FOXN3: variants seen among roughly 807,000 people sequenced by gnomAD.
The protein encoded by FOXN3 is forkhead box N3.
A neutral mutation model predicts 38.4 loss-of-function variants in FOXN3; 7 were observed. The ratio of observed to expected loss-of-function variants is 0.18; its 90% confidence interval spans 0.10 to 0.34. The LOEUF is 0.34. Ranked by LOEUF, FOXN3 falls within the 10% of genes least tolerant of loss-of-function variation. The pLI is 1.00. For synonymous variants in FOXN3, 230 were observed against 242.2 expected (o/e 0.95, Z 0.47); for missense variants, 456 against 613.4 (o/e 0.74, Z 2.71).
At chr14:89,329,538 A>C (rs1888175341) in intron 3 of FOXN3, among the ~76,000 whole-genome samples, 1 of 152,120 alleles carries the variant, frequency 6.6e-6, no homozygotes, top group South Asian at 2.1e-4. Context: ...CCTACAAGGC[A>C]CAGGACAGCC....
At chr14:89,395,643 T>C (rs1251559949) in intron 2 of FOXN3, among the ~76,000 whole-genome samples, 1 of 152,144 alleles carries the variant, frequency 6.6e-6, no homozygotes, top group Non-Finnish European at 1.5e-5. Context: ...ATGCCTAGCA[T>C]AAGCCTGTTT....
At chr14:89,343,691 A>G (rs1176986441) in intron 3 of FOXN3, among the ~76,000 whole-genome samples, 1 of 148,014 alleles carries the variant, frequency 6.8e-6, no homozygotes, top group Non-Finnish European at 1.5e-5. Flanking sequence ...AGAAACAGCT[A>G]AAAGGAGAAG....
intron 1 of FOXN3, among the ~76,000 whole-genome samples, chr14:89,462,851 A>AT (rs1337633553): frequency 2.0e-5 from 3 of 150,958 alleles, no homozygotes; most frequent in African/African-American, 2.4e-5. Context: ...CGCCCAGCTA[A>AT]TTTTTTGCAT....
chr14:89,246,005 G>A (rs1214279039), intron 4 of FOXN3, among the ~76,000 whole-genome samples: 2 of 152,206 alleles, frequency 1.3e-5, no homozygotes, highest in Non-Finnish European at 2.9e-5. Flanking sequence ...ATCATTTGGT[G>A]TGAGGACGGG....
intron 3 of FOXN3, among the ~76,000 whole-genome samples, chr14:89,347,947 C>T (rs1339434346): frequency 1.7e-5 from 2 of 121,102 alleles, no homozygotes; most frequent in African/African-American, 8.2e-5. Flanking sequence ...AGCAAGACTC[C>T]GTCTCAAAAA....
intron 4 of FOXN3, among the ~76,000 whole-genome samples, chr14:89,254,561 G>C (rs1760399880): frequency 6.6e-6 from 1 of 152,154 alleles, no homozygotes; most frequent in South Asian, 2.1e-4. Context: ...AGGGAAGCTA[G>C]AAATCCAGAT....
intron 3 of FOXN3, among the ~76,000 whole-genome samples, chr14:89,317,054 C>T (rs953503654): frequency 3.9e-5 from 6 of 152,330 alleles, no homozygotes; most frequent in African/African-American, 1.4e-4. Context: ...GTAGAACCTG[C>T]ACCACAAAGC....
chr14:89,476,965 G>A (rs1189917914), intron 1 of FOXN3, among the ~76,000 whole-genome samples: 2 of 152,052 alleles, frequency 1.3e-5, no homozygotes, highest in African/African-American at 4.8e-5. Context: ...GAGAACCCCA[G>A]GCAAGGAGGC....
chr14:89,479,776 A>G (rs1220826542), intron 1 of FOXN3, among the ~76,000 whole-genome samples: 2 of 152,234 alleles, frequency 1.3e-5, no homozygotes, highest in Admixed American at 6.5e-5. Flanking sequence ...AGGCCAAAGC[A>G]TGGATCCAAA....
chr14:89,601,432 A>G (rs922752537), intron 1 of FOXN3, among the ~76,000 whole-genome samples: 7 of 152,226 alleles, frequency 4.6e-5, no homozygotes, highest in African/African-American at 1.7e-4. Flanking sequence ...AAAGGACTCA[A>G]TGAAAGGAAA....
At chr14:89,421,809 G>A (rs538763152), upstream of FOXN3, among the ~76,000 whole-genome samples, 137 of 148,696 alleles carry the variant, frequency 9.2e-4, 1 homozygote, top group Non-Finnish European at 1.5e-3. Context: ...GATTACAGGC[G>A]CGAGCCACCG....
intron 4 of FOXN3, among the ~76,000 whole-genome samples, chr14:89,215,374 A>C (rs1226823538): frequency 6.6e-6 from 1 of 152,040 alleles, no homozygotes; most frequent in Non-Finnish European, 1.5e-5. Flanking sequence ...AGAAAGCCAA[A>C]GTAATATCCC....
At chr14:89,216,057 G>A in intron 4 of FOXN3, among the ~76,000 whole-genome samples, 1 of 152,210 alleles carries the variant, frequency 6.6e-6, no homozygotes, top group East Asian at 1.9e-4. Context: ...CAGGAGCAAA[G>A]AGTTAAGCTG....
At chr14:89,279,579 A>T (rs568166870) in intron 4 of FOXN3, among the ~76,000 whole-genome samples, 50 of 152,226 alleles carry the variant, frequency 3.3e-4, no homozygotes, top group Non-Finnish European at 6.5e-4. Flanking sequence ...CCAAAGGCTG[A>T]TCCTAATCAG....
chr14:89,283,058 T>A (rs1021959423), intron 3 of FOXN3, among the ~76,000 whole-genome samples: 6 of 152,166 alleles, frequency 3.9e-5, no homozygotes, highest in Admixed American at 1.3e-4. Context: ...CTGTTGTAAT[T>A]GATGAATTCA....
At chr14:89,328,891 C>T (rs913565862) in intron 3 of FOXN3, among the ~76,000 whole-genome samples, 6 of 152,114 alleles carry the variant, frequency 3.9e-5, no homozygotes, top group Admixed American at 1.3e-4. Flanking sequence ...AGATATAAGA[C>T]GTGCAATGAA....
At chr14:89,187,226 C>T (rs1409931027) in intron 4 of FOXN3, among the ~76,000 whole-genome samples, 1 of 152,116 alleles carries the variant, frequency 6.6e-6, no homozygotes, top group East Asian at 1.9e-4. Context: ...TCTAGCAGCC[C>T]AAGAGGTGAA....
intron 4 of FOXN3, among the ~76,000 whole-genome samples, chr14:89,238,221 T>C (rs2139862924): frequency 6.6e-6 from 1 of 152,286 alleles, no homozygotes; most frequent in African/African-American, 2.4e-5. Context: ...GAACCTCCCC[T>C]TGAGGCACTG....
intron 2 of FOXN3, among the ~76,000 whole-genome samples, chr14:89,384,285 C>T (rs191317016): frequency 6.4e-4 from 97 of 151,976 alleles, no homozygotes; most frequent in African/African-American, 2.0e-3. Flanking sequence ...CACCTCTGCG[C>T]CCACCAGCCT....
Sources: gnomAD v4.1 joint callset for allele counts (sites outside exome capture counted in the v4.1 genomes callset) on GRCh38, gnomAD v4.1.1 for gene constraint, MANE v1.5 for transcripts, NCBI Gene and HGNC (gene_info 2026-07-23, HGNC 2026-07-21) for gene names.